GPR137C: variants seen among roughly 807,000 people sequenced by gnomAD.
The protein encoded by GPR137C is G protein-coupled receptor 137C, also known as integral membrane protein GPR137C.
GPR137C carries 27 observed loss-of-function variants against 43.4 expected under a neutral mutation model. The ratio of observed to expected loss-of-function variants is 0.62; its 90% CI spans 0.46 to 0.86. The LOEUF is 0.86. GPR137C is among the 40% of genes least tolerant of loss of function. GPR137C has a pLI of 0.00. For synonymous variants in GPR137C, 285 were observed against 226.9 expected (o/e 1.26, Z -2.30); for missense variants, 522 against 534.6 (o/e 0.98, Z 0.23).
intron 1 of GPR137C, among the ~76,000 whole-genome samples, chr14:52,554,251 G>T (rs2139423353): frequency 6.6e-6 from 1 of 152,250 alleles, no homozygotes; most frequent in Admixed American, 6.5e-5. Flanking sequence ...TGCTTTAGCG[G>T]TTTATCCTAC....
intron 2 of GPR137C, among the ~76,000 whole-genome samples, chr14:52,598,601 C>T (rs1261843877): frequency 2.6e-5 from 4 of 152,096 alleles, no homozygotes; most frequent in Non-Finnish European, 5.9e-5. Context: ...TTAGATCTAA[C>T]TTCATAGGGT....
chr14:52,633,498 T>A (rs754320562), intron 4 of GPR137C, 32 bp from the exon 5 acceptor site: 12 of 1,600,172 alleles, frequency 7.5e-6, no homozygotes, highest in Non-Finnish European at 9.4e-6. Flanking sequence ...AATAAACAGA[T>A]GTAAAAATTC....
chr14:52,579,123 C>G (rs2038607194), intron 1 of GPR137C, among the ~76,000 whole-genome samples: 1 of 152,092 alleles, frequency 6.6e-6, no homozygotes, highest in South Asian at 2.1e-4. Context: ...TCTAATCTTT[C>G]AAAGAGTAAA....
At chr14:52,619,366 A>G (rs1050280943) in intron 3 of GPR137C, among the ~76,000 whole-genome samples, 2 of 152,196 alleles carry the variant, frequency 1.3e-5, no homozygotes, top group African/African-American at 4.8e-5. Context: ...ATCCCCTGTA[A>G]TATAGATAGG....
At position 52,553,515 on chromosome 14, in the gene GPR137C, C is replaced by T. The variant is rs946608877; in HGVS notation, c.368C>T (p.Pro123Leu). ...CCGCCCGCTCACCTGCACTTCTTCC[C>T]CCACTGGCTGCTCTACTGCTTCCCC... ...LRPPAHLHFF[P>L]HWLLYCFPSC... The change falls in exon 1 of 7, where the codon CCC (proline) becomes CTC (leucine). Residue 123 changes from proline (P) to leucine (L), a missense_variant. Around this residue, in one of 3 missense-constraint regions of GPR137C, gnomAD observed 437 missense variants for 425.7 expected, o/e 1.03. Transcript: ENST00000321662. 7 of 1,609,398 alleles carry T rather than the reference C, an allele frequency of 4.3e-6. No homozygotes were observed. In the African/African-American group the frequency reaches 8.0e-5, roughly 18 times the overall value.
At chr14:52,612,190 A>T (rs1267677515) in intron 3 of GPR137C, 2 of 984,152 alleles carry the variant, frequency 2.0e-6, no homozygotes, top group East Asian at 2.3e-4. Context: ...GATTTCTTTA[A>T]TGTTCTAAAC....
chr14:52,605,958 G>A (rs1485353847), intron 3 of GPR137C, among the ~76,000 whole-genome samples: 1 of 152,124 alleles, frequency 6.6e-6, no homozygotes, highest in South Asian at 2.1e-4. Flanking sequence ...ATTTTGTCAA[G>A]GATGTTTGCA....
intron 1 of GPR137C, among the ~76,000 whole-genome samples, chr14:52,565,966 C>A (rs2038363651): frequency 6.6e-6 from 1 of 152,014 alleles, no homozygotes; most frequent in South Asian, 2.1e-4. Context: ...ATCTAAGATA[C>A]CTTGAATTCT....
chr14:52,633,688 C>T, intron 5 of GPR137C, 33 bp downstream of exon 5: 1 of 1,602,856 alleles, frequency 6.2e-7, no homozygotes, highest in East Asian at 2.2e-5. Context: ...GCCTGTTCTC[C>T]TATTTTTAAA....
At chr14:52,589,158 A>T (rs2038749834) in intron 1 of GPR137C, among the ~76,000 whole-genome samples, 1 of 152,206 alleles carries the variant, frequency 6.6e-6, no homozygotes, top group South Asian at 2.1e-4. Context: ...ATCTACTTAT[A>T]TGAGGTACAT....
intron 3 of GPR137C, among the ~76,000 whole-genome samples, chr14:52,602,331 C>T (rs569166637): frequency 2.0e-5 from 3 of 151,792 alleles, no homozygotes; most frequent in African/African-American, 7.2e-5. Context: ...GTCCCTCTCT[C>T]TCTCTCTCCC....
At chr14:52,594,494 G>T (rs2038825878) in intron 1 of GPR137C, among the ~76,000 whole-genome samples, 2 of 151,668 alleles carry the variant, frequency 1.3e-5, no homozygotes, top group South Asian at 4.2e-4. Context: ...TATGAGTCTG[G>T]GTGCTTCTGT....
chr14:52,590,139 G>A (rs1364983208), intron 1 of GPR137C, among the ~76,000 whole-genome samples: 1 of 152,060 alleles, frequency 6.6e-6, no homozygotes, highest in Non-Finnish European at 1.5e-5. Context: ...AGAAGACAGT[G>A]ATACAGATGA....
chr14:52,585,385 T>A (rs1176028665), intron 1 of GPR137C, among the ~76,000 whole-genome samples: 1 of 152,188 alleles, frequency 6.6e-6, no homozygotes, highest in Non-Finnish European at 1.5e-5. Context: ...ACTTGCTCTC[T>A]CTCTCGCTCT....
intron 1 of GPR137C, among the ~76,000 whole-genome samples, chr14:52,572,432 G>C (rs906452739): frequency 1.7e-4 from 26 of 152,178 alleles, no homozygotes; most frequent in African/African-American, 5.8e-4. Flanking sequence ...GGAATGCAAG[G>C]CTGGTTCAAC....
chr14:52,588,381 G>A (rs922038885), intron 1 of GPR137C, among the ~76,000 whole-genome samples: 14 of 152,080 alleles, frequency 9.2e-5, no homozygotes, highest in African/African-American at 3.4e-4. Context: ...CTAACCTCAG[G>A]TGATCCACCT....
intron 1 of GPR137C, among the ~76,000 whole-genome samples, chr14:52,570,193 A>C (rs2038443451): frequency 6.6e-6 from 1 of 152,210 alleles, no homozygotes; most frequent in African/African-American, 2.4e-5. Flanking sequence ...CCAATATTCC[A>C]ACATTCTTGA....
intron 1 of GPR137C, among the ~76,000 whole-genome samples, chr14:52,594,673 G>A (rs2038829361): frequency 6.6e-6 from 1 of 152,076 alleles, no homozygotes; most frequent in Non-Finnish European, 1.5e-5. Flanking sequence ...TTGCTTGGTA[G>A]ATCTTCCTCC....
At position 52,553,285 on chromosome 14, in the gene GPR137C, G is replaced by A. The variant is rs907297986; in HGVS notation, c.138G>A (p.Gln46=). The A allele has an allele frequency of 4.0e-6, 6 of 1,510,606 alleles. No homozygotes were observed. The highest frequency in any genetic ancestry group is 5.3e-6 in the Non-Finnish European group (6 of 1,132,384). 93.6% of individuals were successfully genotyped at this position (1,510,606 alleles called of 1,614,324 possible). A position where few individuals can be genotyped will look rare whatever the true frequency, so the allele number is the denominator to read the frequency against. The change falls in exon 1 of 7, where the codon CAG becomes CAA. Residue 46 remains glutamine, a synonymous_variant. Transcript: ENST00000321662. ...ASGAAVPGSV[Q]LALSVLHALL... ...GCGCCGCGGTGCCGGGCTCCGTGCA[G>A]TTGGCGCTGAGCGTCCTGCACGCCC...
Sources: gnomAD v4.1 joint callset for allele counts (sites outside exome capture counted in the v4.1 genomes callset) on GRCh38, gnomAD v4.1.1 for gene constraint, gnomAD v4.1.1 regional missense constraint, MANE v1.5 for transcripts, NCBI Gene and HGNC (gene_info 2026-07-23, HGNC 2026-07-21) for gene names.